Variants in MACROD2 observed in about 807,000 individuals in gnomAD.
The protein encoded by MACROD2 is ADP-ribose glycohydrolase MACROD2.
In MACROD2, 36 loss-of-function variants were observed where a neutral mutation model predicts 70.4. That is an observed-to-expected ratio of 0.51 (90% CI 0.39 to 0.68). The LOEUF is 0.68. Ranked by LOEUF, MACROD2 falls within the 30% of genes least tolerant of loss-of-function variation. MACROD2 has a pLI of 0.00. For missense variants in MACROD2, 496 were observed against 538.4 expected (o/e 0.92, Z 0.78); for synonymous variants, 172 against 178.8 (o/e 0.96, Z 0.30).
Position 14,674,767 on chromosome 20 carries a change from G to A in MACROD2, c.302-10076G>A, listed in dbSNP as rs763503770. Among the ~76,000 whole-genome samples the A allele has an allele frequency of 9.3e-4, 141 of 152,170 alleles. 4 individuals are homozygous for A. Among genetic ancestry groups the A allele is most frequent in the Non-Finnish European group, 8.5e-4 (58 of 68,028 alleles). On this transcript the variant is annotated intron_variant, in intron 4 of 17. Coordinates refer to ENST00000684519, the MANE Select transcript of MACROD2 (RefSeq NM_001351661.2). ...GCTTCATGCAGAATGCTTTGTGCAA[G>A]GTAGTTGTTTAACAAATTTATGGTA...
intron 2 of MACROD2, among the ~76,000 whole-genome samples, chr20:14,037,647 G>A (rs1186378215): frequency 6.6e-6 from 1 of 152,236 alleles, no homozygotes; most frequent in East Asian, 1.9e-4. Context: ...GTGTTGGTGG[G>A]GGGGGTAGTT....
At chr20:15,870,649 C>T (rs1320065321) in intron 9 of MACROD2, among the ~76,000 whole-genome samples, 1 of 152,080 alleles carries the variant, frequency 6.6e-6, no homozygotes, top group Non-Finnish European at 1.5e-5. Flanking sequence ...AGACCCTCAC[C>T]AGATGCCAGC....
At chr20:15,998,989 C>A (rs1042827762) in intron 15 of MACROD2, among the ~76,000 whole-genome samples, 7 of 152,022 alleles carry the variant, frequency 4.6e-5, no homozygotes, top group African/African-American at 1.7e-4. Context: ...TCAGAGATTT[C>A]ATGAGAGATT....
intron 3 of MACROD2, among the ~76,000 whole-genome samples, chr20:14,313,425 C>T (rs1456059762): frequency 9.2e-6 from 1 of 108,206 alleles, no homozygotes; most frequent in Non-Finnish European, 1.9e-5. Context: ...CTGCTGCTTT[C>T]CCCCTCCTTT....
chr20:14,327,518 T>G, intron 3 of MACROD2: 1 of 1,600,422 alleles, frequency 6.2e-7, no homozygotes, highest in Non-Finnish European at 8.5e-7. Context: ...GTCAGCAGTG[T>G]TGAGGTCTTT....
At chr20:15,676,587 T>C (rs544079984) in intron 8 of MACROD2, among the ~76,000 whole-genome samples, 138 of 152,324 alleles carry the variant, frequency 9.1e-4, no homozygotes, top group African/African-American at 3.3e-3. Flanking sequence ...GAACTCTTGT[T>C]ACATTTATGG....
intron 3 of MACROD2, among the ~76,000 whole-genome samples, chr20:14,400,663 T>C (rs1771456644): frequency 1.3e-5 from 2 of 152,284 alleles, no homozygotes; most frequent in Middle Eastern, 3.4e-3. Context: ...GGCAGCAAGA[T>C]GGGGCAATCC....
At chr20:15,626,981 GAAGA>G (rs2049213142) in intron 8 of MACROD2, among the ~76,000 whole-genome samples, 1 of 152,152 alleles carries the variant, frequency 6.6e-6, no homozygotes, top group East Asian at 1.9e-4. Flanking sequence ...AAAGAGAGAA[GAAGA>G]GAGAGAGATG....
chr20:15,764,891 T>C (rs77377643), intron 8 of MACROD2, among the ~76,000 whole-genome samples: 3,831 of 152,286 alleles, frequency 0.025, 133 homozygotes, highest in African/African-American at 0.08. Context: ...GCTAATCTCT[T>C]GGTTTTCTCC....
At chr20:15,732,000 C>T (rs1385066245) in intron 8 of MACROD2, among the ~76,000 whole-genome samples, 1 of 115,844 alleles carries the variant, frequency 8.6e-6, no homozygotes, top group Non-Finnish European at 1.9e-5. Flanking sequence ...AGGTGATCCA[C>T]CCACCTCGGC....
chr20:15,475,830 T>G (rs749695559), intron 7 of MACROD2, among the ~76,000 whole-genome samples: 11 of 152,230 alleles, frequency 7.2e-5, no homozygotes, highest in Non-Finnish European at 1.0e-4. Context: ...GTAATTCTGA[T>G]GGCAGAAAAC....
At chr20:14,322,507 A>G (rs909566710) in intron 3 of MACROD2, among the ~76,000 whole-genome samples, 1 of 151,056 alleles carries the variant, frequency 6.6e-6, no homozygotes, top group Non-Finnish European at 1.5e-5. Context: ...AGCTTAAACT[A>G]CTCAAAACTT....
chr20:14,389,813 G>A (rs1568590410), intron 3 of MACROD2, among the ~76,000 whole-genome samples: 3 of 152,136 alleles, frequency 2.0e-5, no homozygotes, highest in Non-Finnish European at 4.4e-5. Flanking sequence ...ATGGGCAAAA[G>A]CTGGAAGCAT....
intron 13 of MACROD2, among the ~76,000 whole-genome samples, chr20:15,970,135 T>G (rs2066208272): frequency 6.6e-6 from 1 of 152,008 alleles, no homozygotes; most frequent in African/African-American, 2.4e-5. Flanking sequence ...GAAAAGTATG[T>G]TTCAAGAATT....
At chr20:14,133,264 T>G (rs2054743108) in intron 3 of MACROD2, among the ~76,000 whole-genome samples, 1 of 152,240 alleles carries the variant, frequency 6.6e-6, no homozygotes, top group African/African-American at 2.4e-5. Context: ...CTGGACATTT[T>G]GCATTTCTCA....
intron 2 of MACROD2, among the ~76,000 whole-genome samples, chr20:14,081,066 G>A (rs758275758): frequency 2.2e-4 from 33 of 152,144 alleles, no homozygotes; most frequent in Admixed American, 5.9e-4. Context: ...CAATACCTGC[G>A]TAGCCCAGTT....
intron 13 of MACROD2, among the ~76,000 whole-genome samples, chr20:15,975,313 C>T (rs943127339): frequency 1.3e-5 from 2 of 152,086 alleles, no homozygotes; most frequent in Non-Finnish European, 2.9e-5. Flanking sequence ...ATAACCTCCT[C>T]ATCAGCAATT....
At chr20:14,619,979 T>C (rs186554237) in intron 4 of MACROD2, among the ~76,000 whole-genome samples, 294 of 152,228 alleles carry the variant, frequency 1.9e-3, no homozygotes, top group African/African-American at 6.7e-3. Context: ...TTAACACATA[T>C]CTTTGTCTAA....
At chr20:14,732,859 T>A (rs1214866702) in intron 5 of MACROD2, among the ~76,000 whole-genome samples, 1 of 152,150 alleles carries the variant, frequency 6.6e-6, no homozygotes, top group Non-Finnish European at 1.5e-5. Flanking sequence ...TGTCCTCTTG[T>A]TAAGGAATGA....
Sources: gnomAD v4.1 joint callset for allele counts (sites outside exome capture counted in the v4.1 genomes callset) on GRCh38, gnomAD v4.1.1 for gene constraint, MANE v1.5 for transcripts, NCBI Gene and HGNC (gene_info 2026-07-23, HGNC 2026-07-21) for gene names.